CSMD1: variants seen among roughly 807,000 people sequenced by gnomAD.
CSMD1 encodes CUB and Sushi multiple domains 1.
Under a neutral mutation model 417.5 loss-of-function variants are expected in CSMD1, and 213 were observed. The observed-to-expected ratio is 0.51, with a 90% CI of 0.46 to 0.57. CSMD1 has a LOEUF of 0.57. CSMD1 is among the 20% of genes least tolerant of loss of function. CSMD1 has a pLI of 0.00. For synonymous variants in CSMD1, 2,862 were observed against 1,736.8 expected, an observed-to-expected ratio of 1.65 and a Z score of -16.11; for missense variants, 6,923 against 4,529.7, an observed-to-expected ratio of 1.53 and a Z score of -15.17.
chr8:4,735,711 ATCT>A, intron 1 of CSMD1, among the ~76,000 whole-genome samples: 1 of 152,136 alleles, frequency 6.6e-6, no homozygotes, highest in Non-Finnish European at 1.5e-5. Context: ...TCTTGCTTTT[ATCT>A]CCCTAATATC....
chr8:3,882,612 T>C (rs920565155), intron 5 of CSMD1, among the ~76,000 whole-genome samples: 4 of 152,188 alleles, frequency 2.6e-5, no homozygotes, highest in Non-Finnish European at 4.4e-5. Flanking sequence ...TTTGTAACCT[T>C]TGCAAACTGA....
chr8:4,986,927 G>A (rs893153230), intron 1 of CSMD1, among the ~76,000 whole-genome samples: 2 of 152,072 alleles, frequency 1.3e-5, no homozygotes, highest in African/African-American at 2.4e-5. Context: ...GTAGAGAGAT[G>A]ACAGATTGAT....
At chr8:4,296,682 A>G (rs1797702280) in intron 3 of CSMD1, among the ~76,000 whole-genome samples, 1 of 143,678 alleles carries the variant, frequency 7.0e-6, no homozygotes, top group South Asian at 2.2e-4. Context: ...GTCCCTGAAA[A>G]CACGAAAATA....
intron 3 of CSMD1, among the ~76,000 whole-genome samples, chr8:4,165,894 C>A (rs1275158449): frequency 6.6e-6 from 1 of 152,164 alleles, no homozygotes; most frequent in Non-Finnish European, 1.5e-5. Flanking sequence ...CCAACCTGTG[C>A]CTAGCACAGT....
At chr8:3,583,949 G>A (rs1267737708) in intron 9 of CSMD1, among the ~76,000 whole-genome samples, 2 of 151,616 alleles carry the variant, frequency 1.3e-5, no homozygotes, top group South Asian at 4.2e-4. Context: ...ATGGAGAAAC[G>A]ATTATCTCAA....
intron 3 of CSMD1, among the ~76,000 whole-genome samples, chr8:4,368,637 C>T (rs1273941467): frequency 6.6e-6 from 1 of 152,022 alleles, no homozygotes; most frequent in African/African-American, 2.4e-5. Context: ...ATTACCGATT[C>T]AATTTTGGAA....
chr8:4,412,169 C>T (rs766540659), intron 3 of CSMD1, among the ~76,000 whole-genome samples: 12 of 152,198 alleles, frequency 7.9e-5, no homozygotes, highest in African/African-American at 2.4e-4. Flanking sequence ...TGATATAGTT[C>T]GGATATCTGT....
At chr8:3,772,070 T>C (rs1798601745) in intron 5 of CSMD1, among the ~76,000 whole-genome samples, 1 of 151,428 alleles carries the variant, frequency 6.6e-6, no homozygotes, top group Non-Finnish European at 1.5e-5. Flanking sequence ...GCCATTATGC[T>C]ACCAATCCAG....
intron 3 of CSMD1, among the ~76,000 whole-genome samples, chr8:4,095,787 T>C (rs551858801): frequency 6.6e-6 from 1 of 152,354 alleles, no homozygotes; most frequent in South Asian, 2.1e-4. Context: ...TTCTAAGGTT[T>C]TATATATGTA....
chr8:4,204,314 C>A (rs996272077), intron 3 of CSMD1, among the ~76,000 whole-genome samples: 1 of 151,314 alleles, frequency 6.6e-6, no homozygotes, highest in African/African-American at 2.4e-5. Context: ...TTCTCAGAAT[C>A]AGAATAGTTT....
At chr8:3,510,374 G>T (rs1309232446) in intron 10 of CSMD1, among the ~76,000 whole-genome samples, 3 of 151,764 alleles carry the variant, frequency 2.0e-5, no homozygotes, top group Admixed American at 6.5e-5. Context: ...AAAGCACATG[G>T]GTACTTGAAG....
chr8:4,698,657 G>A (rs1001835579), intron 1 of CSMD1, among the ~76,000 whole-genome samples: 8 of 148,294 alleles, frequency 5.4e-5, no homozygotes, highest in African/African-American at 7.5e-5. Flanking sequence ...GAAGGGAGAA[G>A]ACAGGAAGAC....
At chr8:4,837,247 A>G (rs184152966) in intron 1 of CSMD1, among the ~76,000 whole-genome samples, 24 of 151,970 alleles carry the variant, frequency 1.6e-4, no homozygotes, top group Non-Finnish European at 2.2e-4. Context: ...CTAGTTGGGC[A>G]TATACCCCCC....
chr8:3,764,733 CTCTTTCTTTTT>C (rs1357641810), intron 5 of CSMD1, among the ~76,000 whole-genome samples: 1 of 122,910 alleles, frequency 8.1e-6, no homozygotes, highest in Non-Finnish European at 1.7e-5. Flanking sequence ...CTGCCCTTTT[CTCTTTCTTTTT>C]TTTTTTTTTT....
At chr8:4,516,091 G>T (rs2130369464) in intron 2 of CSMD1, among the ~76,000 whole-genome samples, 3 of 152,208 alleles carry the variant, frequency 2.0e-5, no homozygotes, top group East Asian at 3.9e-4. Flanking sequence ...CTCAGAATGT[G>T]ACTGTACCGG....
chr8:3,678,970 A>T (rs970009604), intron 7 of CSMD1, among the ~76,000 whole-genome samples: 2 of 152,214 alleles, frequency 1.3e-5, no homozygotes, highest in African/African-American at 4.8e-5. Context: ...AATACTTCAC[A>T]GACAAGCAAA....
At chr8:3,333,098 A>T (rs1807014973) in intron 23 of CSMD1, among the ~76,000 whole-genome samples, 1 of 152,194 alleles carries the variant, frequency 6.6e-6, no homozygotes. Flanking sequence ...TGCCAGTGGC[A>T]CCAAGGAGCT....
intron 5 of CSMD1, among the ~76,000 whole-genome samples, chr8:3,933,110 T>C (rs1810267462): frequency 6.8e-6 from 1 of 147,062 alleles, no homozygotes; most frequent in Non-Finnish European, 1.5e-5. Context: ...TCTTTATATA[T>C]CTGGTTTATA....
chr8:4,370,657 G>C (rs1802343104), intron 3 of CSMD1, among the ~76,000 whole-genome samples: 1 of 152,060 alleles, frequency 6.6e-6, no homozygotes, highest in Admixed American at 6.5e-5. Flanking sequence ...ATTTTTGTAT[G>C]CTCACGTTGC....
Sources: gnomAD v4.1 joint callset for allele counts (sites outside exome capture counted in the v4.1 genomes callset) on GRCh38, gnomAD v4.1.1 for gene constraint, MANE v1.5 for transcripts, NCBI Gene and HGNC (gene_info 2026-07-23, HGNC 2026-07-21) for gene names.